Variants in IGFL2 observed in about 807,000 individuals in gnomAD.
The protein encoded by IGFL2 is insulin growth factor-like family member 2.
Under a neutral mutation model 13.9 loss-of-function variants are expected in IGFL2, and 7 were observed. The ratio of observed to expected loss-of-function variants is 0.51; its 90% CI spans 0.29 to 0.95. The LOEUF is 0.95. Ranked by LOEUF, IGFL2 falls within the 40% of genes least tolerant of loss-of-function variation. The pLI is 0.08. For synonymous variants in IGFL2, 55 were observed against 55.8 expected (o/e 0.99, Z 0.07); for missense variants, 138 against 147.8 (o/e 0.93, Z 0.34).
intron 1 of IGFL2, among the ~76,000 whole-genome samples, chr19:46,157,910 C>A (rs1220610974): frequency 2.0e-5 from 3 of 152,118 alleles, no homozygotes; most frequent in Non-Finnish European, 4.4e-5. Flanking sequence ...AAATGTACTC[C>A]TATAACTAAT....
At chr19:46,192,814 T>C in the IGFL2 span, among the ~76,000 whole-genome samples, 2 of 152,214 alleles carry the variant, frequency 1.3e-5, no homozygotes, top group Non-Finnish European at 2.9e-5. Context: ...TATTGTGGTA[T>C]AGTAATTCCC....
the IGFL2 span, among the ~76,000 whole-genome samples, chr19:46,104,966 G>A: frequency 2.6e-5 from 4 of 152,182 alleles, no homozygotes; most frequent in Non-Finnish European, 5.9e-5. Flanking sequence ...GTAGGTGGGA[G>A]TGACTGATGA....
chr19:46,176,690 G>C, the IGFL2 span, among the ~76,000 whole-genome samples: 1 of 152,260 alleles, frequency 6.6e-6, no homozygotes, highest in East Asian at 1.9e-4. Flanking sequence ...CTAGGGGGAA[G>C]TGGGGATCCT....
chr19:46,141,301 A>C (rs1002663025), upstream of IGFL2, among the ~76,000 whole-genome samples: 16 of 152,198 alleles, frequency 1.1e-4, no homozygotes, highest in Non-Finnish European at 7.3e-5. Context: ...GTAAATAAAC[A>C]CATGAGCAAG....
upstream of IGFL2, among the ~76,000 whole-genome samples, chr19:46,145,551 T>C (rs1973078045): frequency 6.6e-6 from 1 of 151,574 alleles, no homozygotes; most frequent in African/African-American, 2.4e-5. Context: ...CTTCCCATCT[T>C]GCTTCCAGCT....
At chr19:46,189,431 G>A in the IGFL2 span, among the ~76,000 whole-genome samples, 2 of 152,126 alleles carry the variant, frequency 1.3e-5, no homozygotes, top group African/African-American at 2.4e-5. Flanking sequence ...CAGGCCTGAC[G>A]GATGTCAGGC....
the IGFL2 span, among the ~76,000 whole-genome samples, chr19:46,125,173 A>G: frequency 6.6e-6 from 1 of 152,144 alleles, no homozygotes; most frequent in African/African-American, 2.4e-5. Flanking sequence ...CTCTGGAGTC[A>G]TTAGAGTTGC....
the IGFL2 span, among the ~76,000 whole-genome samples, chr19:46,090,988 TG>T: frequency 6.6e-6 from 1 of 152,212 alleles, no homozygotes; most frequent in Admixed American, 6.5e-5. Context: ...CTATGCTGCC[TG>T]GGGTTGAGTG....
the IGFL2 span, among the ~76,000 whole-genome samples, chr19:46,086,867 C>G: frequency 6.6e-5 from 10 of 151,464 alleles, no homozygotes; most frequent in Non-Finnish European, 2.9e-5. Context: ...GTAGTGTAGT[C>G]TCTGTGTGAT....
At chr19:46,138,669 T>C (rs901329223), upstream of IGFL2, among the ~76,000 whole-genome samples, 1 of 152,150 alleles carries the variant, frequency 6.6e-6, no homozygotes. Flanking sequence ...GGACAGGGTC[T>C]ACTGGTGAAA....
chr19:46,196,826 TC>T, the IGFL2 span: 1 of 152,662 alleles, frequency 6.6e-6, no homozygotes, highest in Non-Finnish European at 1.5e-5. Context: ...CGTGGCCTCC[TC>T]CAGAGCCCTC....
the IGFL2 span, among the ~76,000 whole-genome samples, chr19:46,131,120 C>G: frequency 6.6e-6 from 1 of 152,256 alleles, no homozygotes; most frequent in African/African-American, 2.4e-5. Context: ...AATTTTCTTG[C>G]TAATGAATGT....
chr19:46,118,943 C>T, the IGFL2 span, among the ~76,000 whole-genome samples: 9 of 152,008 alleles, frequency 5.9e-5, no homozygotes, highest in African/African-American at 4.8e-5. Context: ...AGCTGTGGCC[C>T]GGTTTAGGAG....
At chr19:46,145,600 ATGTGTGTG>A (rs1024196099), upstream of IGFL2, among the ~76,000 whole-genome samples, 436 of 94,568 alleles carry the variant, frequency 4.6e-3, 1 homozygote, top group African/African-American at 0.011. Flanking sequence ...ACTCATATAT[ATGTGTGTG>A]TGTGTGTGTG....
chr19:46,103,312 T>G, the IGFL2 span, among the ~76,000 whole-genome samples: 1 of 152,056 alleles, frequency 6.6e-6, no homozygotes, highest in African/African-American at 2.4e-5. Flanking sequence ...GAAAAAGAAA[T>G]GCAAAGCCAA....
chr19:46,205,150 G>A, the IGFL2 span, among the ~76,000 whole-genome samples: 2 of 152,164 alleles, frequency 1.3e-5, no homozygotes, highest in Non-Finnish European at 2.9e-5. Context: ...AATTATTTTA[G>A]GCAGATAGTG....
At chr19:46,175,670 C>A in the IGFL2 span, among the ~76,000 whole-genome samples, 1 of 151,960 alleles carries the variant, frequency 6.6e-6, no homozygotes, top group African/African-American at 2.4e-5. Context: ...TCCCGAGCAG[C>A]TGGGATTACA....
At chr19:46,104,810 A>G in the IGFL2 span, among the ~76,000 whole-genome samples, 2 of 152,218 alleles carry the variant, frequency 1.3e-5, no homozygotes, top group Admixed American at 6.5e-5. Flanking sequence ...GAGGCAGGCT[A>G]GTGGCTTGTA....
At chr19:46,079,195 G>T in the IGFL2 span, among the ~76,000 whole-genome samples, 8 of 152,398 alleles carry the variant, frequency 5.2e-5, no homozygotes, top group South Asian at 2.1e-4. Context: ...CGCAGTAACT[G>T]CCTTGGTGTC....
Sources: allele counts gnomAD v4.1 joint callset (sites outside exome capture counted in the v4.1 genomes callset), GRCh38; gene constraint gnomAD v4.1.1; transcripts MANE v1.5; gene names NCBI Gene and HGNC (gene_info 2026-07-23, HGNC 2026-07-21).